TENM2: variants seen among roughly 807,000 people sequenced by gnomAD.
TENM2 encodes teneurin-2.
A neutral mutation model predicts 245.2 loss-of-function variants in TENM2; 52 were observed. The observed-to-expected ratio is 0.21, with a 90% CI of 0.17 to 0.27. TENM2 has a LOEUF of 0.27. Among genes scored for constraint, TENM2 ranks in the 10% least tolerant of loss-of-function variants. The pLI, the probability that TENM2 is intolerant of heterozygous loss-of-function variation, is 1.00. For synonymous variants in TENM2, 1,363 were observed against 1,438.9 expected (o/e 0.95, Z 1.19); for missense variants, 3,046 against 3,666.8 (o/e 0.83, Z 4.37).
chr5:167,710,861 A>G (rs1429952031), intron 2 of TENM2, among the ~76,000 whole-genome samples: 1 of 152,220 alleles, frequency 6.6e-6, no homozygotes, highest in Admixed American at 6.5e-5. Flanking sequence ...AGACAGGGAG[A>G]CTAGTTGAGT....
intron 1 of TENM2, among the ~76,000 whole-genome samples, chr5:167,340,902 T>G (rs2127813229): frequency 6.6e-6 from 1 of 152,294 alleles, no homozygotes; most frequent in South Asian, 2.1e-4. Flanking sequence ...TTTTGTAACT[T>G]ATTTCACCAG....
intron 2 of TENM2, among the ~76,000 whole-genome samples, chr5:167,469,967 A>G (rs928885546): frequency 1.1e-4 from 16 of 152,114 alleles, no homozygotes; most frequent in Admixed American, 9.2e-4. Flanking sequence ...TCTTTTCTCT[A>G]TGCACATATA....
At chr5:167,966,094 A>G (rs1298281385) in intron 4 of TENM2, among the ~76,000 whole-genome samples, 1 of 152,206 alleles carries the variant, frequency 6.6e-6, no homozygotes, top group African/African-American at 2.4e-5. Flanking sequence ...GCCAGATGCA[A>G]GAGACCCTTC....
intron 12 of TENM2, among the ~76,000 whole-genome samples, chr5:168,128,002 G>A (rs374441432): frequency 1.3e-5 from 2 of 152,156 alleles, no homozygotes; most frequent in South Asian, 2.1e-4. Flanking sequence ...AGGAGCTTGC[G>A]CAGGGCTGAT....
chr5:167,462,213 G>C (rs1201077805), intron 2 of TENM2, among the ~76,000 whole-genome samples: 9 of 122,934 alleles, frequency 7.3e-5, no homozygotes, highest in Non-Finnish European at 1.6e-5. Context: ...CATGCAACAG[G>C]GGTATAACTT....
the TENM2 span, among the ~76,000 whole-genome samples, chr5:167,044,790 C>T: frequency 6.6e-6 from 1 of 152,216 alleles, no homozygotes; most frequent in African/African-American, 2.4e-5. Context: ...GAAAAGGATC[C>T]ATTTGCTTTG....
At chr5:167,783,607 G>C (rs531116909) in intron 2 of TENM2, among the ~76,000 whole-genome samples, 1 of 152,300 alleles carries the variant, frequency 6.6e-6, no homozygotes, top group African/African-American at 2.4e-5. Flanking sequence ...CAGCTCCTCT[G>C]TTCATTAGCC....
intron 2 of TENM2, among the ~76,000 whole-genome samples, chr5:167,672,699 T>A (rs1407589123): frequency 1.3e-5 from 2 of 152,116 alleles, no homozygotes; most frequent in African/African-American, 4.8e-5. Context: ...GGTGGATTCC[T>A]AAATGAAAGT....
chr5:168,225,745 T>TGAGA (rs1408604951), intron 23 of TENM2, among the ~76,000 whole-genome samples: 6 of 128,886 alleles, frequency 4.7e-5, no homozygotes. Flanking sequence ...TGGGACAGAG[T>TGAGA]GAGACTCCAT....
chr5:167,094,918 A>G, the TENM2 span, among the ~76,000 whole-genome samples: 2 of 152,214 alleles, frequency 1.3e-5, no homozygotes, highest in African/African-American at 4.8e-5. Context: ...TAAACATCAT[A>G]TGGGCTTCTA....
chr5:167,016,887 A>C, the TENM2 span, among the ~76,000 whole-genome samples: 1 of 152,224 alleles, frequency 6.6e-6, no homozygotes, highest in Non-Finnish European at 1.5e-5. Context: ...CTCCCTGTGA[A>C]TCTCTGGAGA....
intron 2 of TENM2, among the ~76,000 whole-genome samples, chr5:167,450,409 C>T (rs1480073369): frequency 6.6e-6 from 1 of 152,174 alleles, no homozygotes; most frequent in Non-Finnish European, 1.5e-5. Context: ...AATGACCTCT[C>T]TCCTTCTAGA....
At chr5:167,692,088 C>T (rs780906310) in intron 2 of TENM2, among the ~76,000 whole-genome samples, 24 of 152,038 alleles carry the variant, frequency 1.6e-4, no homozygotes, top group Non-Finnish European at 2.5e-4. Flanking sequence ...TTTGCCACCC[C>T]GGAATACCAC....
chr5:167,647,241 A>T (rs1011938795), intron 2 of TENM2, among the ~76,000 whole-genome samples: 1 of 152,162 alleles, frequency 6.6e-6, no homozygotes, highest in African/African-American at 2.4e-5. Context: ...GAGTTGATGG[A>T]TCCACGGTGG....
Position 168,091,380 on chromosome 5 carries a change from T to C in TENM2, c.1711+611T>C, listed in dbSNP as rs377757392. Reference sequence around the variant, plus strand: ...GGCATAGGGTAGCCCTGCTTTCTATTAGCTATCAAGAGAAAAGCGAAGTTT... The same window carrying C: ...GGCATAGGGTAGCCCTGCTTTCTATCAGCTATCAAGAGAAAAGCGAAGTTT... On this transcript the variant is annotated intron_variant, in intron 8 of 28. Coordinates refer to ENST00000518659, the Ensembl canonical transcript of TENM2. Among the ~76,000 whole-genome samples the C allele has an allele frequency of 1.5e-4, 23 of 152,314 alleles. No individual in the cohort carries two copies. In the South Asian group the frequency reaches 4.6e-3, roughly 30 times the overall value.
the TENM2 span, among the ~76,000 whole-genome samples, chr5:167,040,747 TATTA>T: frequency 6.6e-6 from 1 of 152,230 alleles, no homozygotes; most frequent in Non-Finnish European, 1.5e-5. Flanking sequence ...TTTCCCCACT[TATTA>T]ATTTTGTTTT....
the TENM2 span, among the ~76,000 whole-genome samples, chr5:166,993,985 T>G: frequency 6.3e-4 from 96 of 152,302 alleles, 1 homozygote. Context: ...AAAGATGATC[T>G]TTTTTTCACT....
chr5:167,378,372 C>CTTA, intron 2 of TENM2, among the ~76,000 whole-genome samples: 1 of 101,010 alleles, frequency 9.9e-6, no homozygotes, highest in Non-Finnish European at 2.0e-5. Flanking sequence ...TCTTTTCTTT[C>CTTA]TTCTTCTTTT....
In TENM2 at chr5:167,438,599, C is replaced by T. The variant is rs374179499; in HGVS notation, c.502+63126C>T. ...TTTTTAGTAGAGACGGGGTTTCACG[C>T]TGTTAGCCAGGATGGTCTCGATCTC... On this transcript the variant is annotated intron_variant, in intron 2 of 28. Coordinates refer to ENST00000518659, the Ensembl canonical transcript of TENM2. Among the ~76,000 whole-genome samples, 33 of 152,116 alleles carry T rather than the reference C, an allele frequency of 2.2e-4. No homozygotes were observed. In the East Asian group the frequency reaches 5.9e-3, roughly 27 times the overall value.
Sources: gnomAD v4.1 joint callset for allele counts (sites outside exome capture counted in the v4.1 genomes callset) on GRCh38, gnomAD v4.1.1 for gene constraint, MANE v1.5 for transcripts, NCBI Gene and HGNC (gene_info 2026-07-23, HGNC 2026-07-21) for gene names.